The following PTPRD variants were observed in gnomAD, a reference collection of about 807,000 sequenced individuals.
PTPRD encodes receptor-type tyrosine-protein phosphatase delta.
Under a neutral mutation model 214.5 loss-of-function variants are expected in PTPRD, and 34 were observed. The ratio of observed to expected loss-of-function variants is 0.16; its 90% CI spans 0.12 to 0.21. The LOEUF is 0.21. Ranked by LOEUF, PTPRD falls within the 10% of genes least tolerant of loss-of-function variation. The pLI, the probability that PTPRD is intolerant of heterozygous loss-of-function variation, is 1.00. For missense variants in PTPRD, 2,545 were observed against 2,398.7 expected (o/e 1.06, Z -1.27); for synonymous variants, 1,128 against 845.7 (o/e 1.33, Z -5.79).
At chr9:9,619,777 A>G (rs1353628963) in intron 7 of PTPRD, among the ~76,000 whole-genome samples, 2 of 146,710 alleles carry the variant, frequency 1.4e-5, no homozygotes, top group South Asian at 2.1e-4. Flanking sequence ...ATATAAGTAT[A>G]TACAAATATC....
chr9:9,258,413 T>C (rs73641281), intron 9 of PTPRD, among the ~76,000 whole-genome samples: 336 of 150,936 alleles, frequency 2.2e-3, no homozygotes, highest in African/African-American at 7.5e-3. Context: ...ATTTAATTCA[T>C]TGCACGCTTC....
intron 4 of PTPRD, among the ~76,000 whole-genome samples, chr9:10,020,634 T>A (rs2096830775): frequency 4.7e-5 from 1 of 21,502 alleles, no homozygotes; most frequent in Admixed American, 4.9e-4. Flanking sequence ...ATAATTCTCA[T>A]CATCCCTGCC....
intron 9 of PTPRD, among the ~76,000 whole-genome samples, chr9:9,340,816 A>T (rs2046493091): frequency 6.6e-6 from 1 of 152,232 alleles, no homozygotes; most frequent in Admixed American, 6.5e-5. Context: ...TTCATTGACA[A>T]ATAAATGATT....
At chr9:8,500,011 CT>C (rs1463096722) in intron 24 of PTPRD, among the ~76,000 whole-genome samples, 171 bp from the exon 25 acceptor site, 1 of 143,230 alleles carries the variant, frequency 7.0e-6, no homozygotes, top group Non-Finnish European at 1.5e-5. Context: ...AACCAATCTG[CT>C]CTACCTTTTA....
chr9:8,509,487 T>C (rs73640925), intron 21 of PTPRD, among the ~76,000 whole-genome samples: 5,152 of 152,232 alleles, frequency 0.034, 266 homozygotes, highest in African/African-American at 0.12. Context: ...TGTTAACTCC[T>C]GACTCAAACC....
Position 9,665,457 on chromosome 9 carries a change from C to T in PTPRD, c.-287+69076G>A, listed in dbSNP as rs562518532. On this transcript the variant is annotated intron_variant, in intron 7 of 45. Transcript: ENST00000381196. ...GTGATAGAATATAGAAGAAAGAAAACTAAAATTTATTAGATACTTAACTAT... is the reference window on the plus strand; with the variant it reads ...GTGATAGAATATAGAAGAAAGAAAATTAAAATTTATTAGATACTTAACTAT... 2.5e-3 allele frequency among the ~76,000 whole-genome samples: 386 copies of T among 151,694 alleles called. 2 individuals are homozygous for T. Among genetic ancestry groups the T allele is most frequent in the African/African-American group, 8.7e-3 (362 of 41,478 alleles).
chr9:10,282,679 A>T (rs971743077), intron 3 of PTPRD, among the ~76,000 whole-genome samples: 1 of 152,112 alleles, frequency 6.6e-6, no homozygotes, highest in African/African-American at 2.4e-5. Flanking sequence ...CCCAACTTAC[A>T]TAGAATATTA....
intron 11 of PTPRD, among the ~76,000 whole-genome samples, chr9:8,830,135 G>A (rs1033597940): frequency 1.3e-5 from 2 of 152,046 alleles, no homozygotes; most frequent in Non-Finnish European, 2.9e-5. Context: ...CATAGGTACT[G>A]TTATTATGTT....
intron 2 of PTPRD, among the ~76,000 whole-genome samples, chr9:10,609,065 T>G (rs1591933565): frequency 6.6e-6 from 1 of 152,112 alleles, no homozygotes; most frequent in South Asian, 2.1e-4. Context: ...TCTTGAATAT[T>G]TGTCATATCA....
chr9:8,442,975 T>C (rs1807068711), intron 34 of PTPRD, among the ~76,000 whole-genome samples: 1 of 152,200 alleles, frequency 6.6e-6, no homozygotes, highest in African/African-American at 2.4e-5. Flanking sequence ...ACCCCGTTTC[T>C]GCAACAAAAA....
intron 3 of PTPRD, among the ~76,000 whole-genome samples, chr9:10,095,049 T>C (rs1249350359): frequency 6.6e-6 from 1 of 151,400 alleles, no homozygotes; most frequent in African/African-American, 2.4e-5. Flanking sequence ...GCATAGAATT[T>C]TTTTAAAAAA....
chr9:10,586,140 T>A (rs1289223447), intron 2 of PTPRD, among the ~76,000 whole-genome samples: 1 of 152,068 alleles, frequency 6.6e-6, no homozygotes, highest in African/African-American at 2.4e-5. Flanking sequence ...ATTCAAAAAT[T>A]TTTCTGAGAA....
chr9:8,377,208 A>C (rs1373900602), intron 37 of PTPRD, among the ~76,000 whole-genome samples: 1 of 152,142 alleles, frequency 6.6e-6, no homozygotes, highest in Non-Finnish European at 1.5e-5. Context: ...AAGTATAATA[A>C]ACAACATAAG....
chr9:9,496,904 A>ATACATAAAATAGAATG (rs1569568821), intron 8 of PTPRD, among the ~76,000 whole-genome samples: 15 of 152,196 alleles, frequency 9.9e-5, no homozygotes, highest in African/African-American at 3.6e-4. Context: ...AAAATAGAAT[A>ATACATAAAATAGAATG]TCATTCAGCC....
chr9:9,515,244 T>C (rs1014706857), intron 8 of PTPRD, among the ~76,000 whole-genome samples: 1 of 152,134 alleles, frequency 6.6e-6, no homozygotes, highest in South Asian at 2.1e-4. Flanking sequence ...GCACATACCA[T>C]ATAATCATTG....
rs74817879 is a variant in PTPRD at position 8,442,845 on chromosome 9, A to G, written c.3989-6156T>C. ...TAGATTTAATTTGTGACTGGGGATC[A>G]TCATTAAATGAAAGAGTCACCAACA... On this transcript the variant is annotated intron_variant, in intron 34 of 45. Transcript: ENST00000381196. 9.0e-4 allele frequency among the ~76,000 whole-genome samples: 137 copies of G among 152,072 alleles called. 3 individuals carry two copies. The East Asian group carries it at 0.026, about 28-fold the overall frequency.
At chr9:10,162,411 T>C (rs1485933879) in intron 3 of PTPRD, among the ~76,000 whole-genome samples, 1 of 151,146 alleles carries the variant, frequency 6.6e-6, no homozygotes, top group Non-Finnish European at 1.5e-5. Flanking sequence ...AATGAAACTG[T>C]ATATCATTAT....
chr9:8,553,660 C>T (rs1029921108), intron 14 of PTPRD, among the ~76,000 whole-genome samples: 6 of 152,166 alleles, frequency 3.9e-5, no homozygotes, highest in African/African-American at 7.2e-5. Flanking sequence ...ATGCTCTCAT[C>T]GCTTCTCAGC....
chr9:9,605,562 C>G (rs959038795), intron 7 of PTPRD, among the ~76,000 whole-genome samples: 11 of 152,038 alleles, frequency 7.2e-5, no homozygotes, highest in Non-Finnish European at 1.3e-4. Flanking sequence ...ATGATTTAGA[C>G]TTTAACTTGT....
Sources: allele counts gnomAD v4.1 joint callset (sites outside exome capture counted in the v4.1 genomes callset), GRCh38; gene constraint gnomAD v4.1.1; transcripts MANE v1.5; gene names NCBI Gene and HGNC (gene_info 2026-07-23, HGNC 2026-07-21).